The following NOP9 variants were observed in gnomAD, a reference collection of about 807,000 sequenced individuals.
NOP9 encodes the protein nucleolar protein 9.
A neutral mutation model predicts 63.0 loss-of-function variants in NOP9; 50 were observed. The ratio of observed to expected loss-of-function variants is 0.79; its 90% confidence interval spans 0.63 to 1.00. The LOEUF is 1.00. Among genes scored for constraint, NOP9 ranks in the 50% least tolerant of loss-of-function variants. The probability of loss-of-function intolerance (pLI) is 0.00; values close to 1 mark genes in which losing one functional copy is unlikely to be tolerated. For synonymous variants in NOP9, 343 were observed against 332.8 expected, an observed-to-expected ratio of 1.03 and a Z score of -0.33; for missense variants, 758 against 803.0, an observed-to-expected ratio of 0.94 and a Z score of 0.68.
intron 1 of NOP9, 50 bp from the exon 2 acceptor site, chr14:24,300,358 C>A: frequency 6.3e-7 from 1 of 1,575,624 alleles, no homozygotes; most frequent in Non-Finnish European, 8.7e-7. Context: ...GGGTACATAA[C>A]TGTATTCTCT....
At chr14:24,301,856 A>G (rs2041382901) in intron 3 of NOP9, 109 bp from the exon 4 acceptor site, 2 of 1,450,756 alleles carry the variant, frequency 1.4e-6, no homozygotes, top group Non-Finnish European at 9.6e-7. Context: ...AGCACTTTGT[A>G]TAGTCCCTTT....
rs923572586 is a variant in NOP9 at position 24,307,226 on chromosome 14, A to G, written c.*2131A>G. 11 of 853,130 alleles carry G rather than the reference A, an allele frequency of 1.3e-5. No homozygotes were observed. The South Asian group carries it at 1.6e-4, about 12-fold the overall frequency. 52.8% of individuals were successfully genotyped at this position (853,130 alleles called of 1,614,324 possible). A position where few individuals can be genotyped will look rare whatever the true frequency, so the allele number is the denominator to read the frequency against. ...AAAATGAACAAATTGACCAGAGCTC[A>G]TTAGGCCCACTCCGCTGCTTTTAGC... On this transcript the variant is annotated 3_prime_UTR_variant, in exon 10 of 10. Coordinates refer to ENST00000267425, the MANE Select transcript of NOP9 (RefSeq NM_174913.3).
At chr14:24,293,938 A>G in the NOP9 span, 1 of 152,256 alleles carries the variant, frequency 6.6e-6, no homozygotes, top group Admixed American at 6.5e-5. Context: ...ATAATTAGAT[A>G]CAAGTGTATG....
chr14:24,292,079 C>A, the NOP9 span: 2 of 1,421,028 alleles, frequency 1.4e-6, no homozygotes, highest in Non-Finnish European at 2.0e-6. Context: ...CAGCCCTGCA[C>A]CTGCCACAGT....
chr14:24,274,566 C>T, the NOP9 span, among the ~76,000 whole-genome samples: 1 of 151,494 alleles, frequency 6.6e-6, no homozygotes, highest in Non-Finnish European at 1.5e-5. Flanking sequence ...ATTTGGCCTC[C>T]TATGTGGGAT....
At chr14:24,293,866 G>A in the NOP9 span, 9 of 152,094 alleles carry the variant, frequency 5.9e-5, no homozygotes, top group African/African-American at 2.2e-4. Flanking sequence ...AGACATAATA[G>A]TTAAAAGAAT....
chr14:24,272,760 A>G, the NOP9 span, among the ~76,000 whole-genome samples: 4 of 152,196 alleles, frequency 2.6e-5, no homozygotes, highest in African/African-American at 9.6e-5. Context: ...AAAACTCTTC[A>G]TGACAGCCTA....
Position 24,306,907 on chromosome 14 carries a change from T to C in NOP9, c.*1812T>C. 3.4e-6 allele frequency: 1 copy of C among 292,286 alleles called. No individual in the cohort carries two copies. Among genetic ancestry groups the C allele is most frequent in the Non-Finnish European group, 6.6e-6 (1 of 152,092 alleles). 18.1% of individuals were successfully genotyped at this position (292,286 alleles called of 1,614,324 possible). On this transcript the variant is annotated 3_prime_UTR_variant, in exon 10 of 10. Transcript: ENST00000267425. ...GTGTTTTCAGTAATAGTGTTTAACC[T>C]TTTTGAGTCCTTACTCTGTGCCAGG...
the NOP9 span, among the ~76,000 whole-genome samples, chr14:24,284,289 A>G: frequency 6.6e-6 from 1 of 152,194 alleles, no homozygotes; most frequent in Non-Finnish European, 1.5e-5. Context: ...CATGATGCCA[A>G]CTGGAAGCAC....
In NOP9 at chr14:24,308,163, A is replaced by T. The variant is rs1461018601; in HGVS notation, c.*3068A>T. 4 of 427,330 alleles carry T rather than the reference A, an allele frequency of 9.4e-6. No individual in the cohort carries two copies. Among genetic ancestry groups the T allele is most frequent in the Non-Finnish European group, 1.7e-5 (4 of 233,730 alleles). The allele number at this position is 427,330 out of a possible 1,614,324, so 26.5% of individuals were successfully genotyped here. A position where few individuals can be genotyped will look rare whatever the true frequency, so the allele number is the denominator to read the frequency against. ...GGGTAGATGGGAACCATGTAAAAGG[A>T]TGAAATGTGACTTCTGGTGTTTTTT... is the stretch of plus-strand genomic sequence containing the variant. On this transcript the variant is annotated 3_prime_UTR_variant, in exon 10 of 10. Coordinates refer to ENST00000267425, the MANE Select transcript of NOP9 (RefSeq NM_174913.3).
chr14:24,308,100 G>A lies in NOP9; in HGVS notation c.*3005G>A. The A allele has an allele frequency of 1.8e-6, 1 of 569,386 alleles. No homozygotes were observed. Among genetic ancestry groups the A allele is most frequent in the Non-Finnish European group, 3.2e-6 (1 of 316,014 alleles). The allele number at this position is 569,386 out of a possible 1,614,324, so 35.3% of individuals were successfully genotyped here. On this transcript the variant is annotated 3_prime_UTR_variant, in exon 10 of 10. Coordinates refer to ENST00000267425, the MANE Select transcript of NOP9 (RefSeq NM_174913.3). ...GAATTGCCTGGCAAAAGCCATTGGA[G>A]CTTGTATGTGTGTCTTTGGTGATGA...
the NOP9 span, among the ~76,000 whole-genome samples, chr14:24,287,515 C>G: frequency 6.6e-6 from 1 of 152,176 alleles, no homozygotes; most frequent in African/African-American, 2.4e-5. Flanking sequence ...CACTCAGGGT[C>G]TAAGGTGGAT....
upstream of NOP9, among the ~76,000 whole-genome samples, chr14:24,295,191 T>G (rs2041229001): frequency 6.6e-6 from 1 of 152,186 alleles, no homozygotes; most frequent in Non-Finnish European, 1.5e-5. Context: ...GAATGAGAGA[T>G]ATTTACATGA....
the NOP9 span, among the ~76,000 whole-genome samples, chr14:24,285,850 G>T: frequency 6.6e-6 from 1 of 152,068 alleles, no homozygotes; most frequent in Non-Finnish European, 1.5e-5. Context: ...TTAGCTGGGC[G>T]TGGTGGCAGG....
Position 24,303,175 on chromosome 14 carries a change from T to TGGGGCCTACCAAGCCA in NOP9, c.1246_1261dup (p.Lys421ArgfsTer38), listed in dbSNP as rs2041408166. ...CCCTGGTGGGGGCCTGTCGCAGAGT[T>TGGGGCCTACCAAGCCA]GGGGCCTACCAAGCCAAGGTCCTAC... On this transcript the variant is annotated frameshift_variant, in exon 6 of 10. Transcript: ENST00000267425. LOFTEE classifies it high-confidence loss of function. The TGGGGCCTACCAAGCCA allele has an allele frequency of 6.2e-7, 1 of 1,614,082 alleles. No homozygotes were observed. Among genetic ancestry groups the TGGGGCCTACCAAGCCA allele is most frequent in the Admixed American group, 1.7e-5 (1 of 60,014 alleles).
chr14:24,276,964 G>A, the NOP9 span, among the ~76,000 whole-genome samples: 1 of 152,182 alleles, frequency 6.6e-6, no homozygotes, highest in African/African-American at 2.4e-5. Context: ...GGTAAATGTG[G>A]GGAAGGAGGT....
At chr14:24,300,941 C>G (rs2041365896) in intron 2 of NOP9, 84 bp downstream of exon 2, 1 of 1,121,984 alleles carries the variant, frequency 8.9e-7, no homozygotes, top group African/African-American at 1.6e-5. Context: ...AAGAGTAAGT[C>G]TTCATGGGGG....
upstream of NOP9, chr14:24,299,245 A>T (rs1285499297): frequency 2.0e-6 from 2 of 1,024,474 alleles, no homozygotes; most frequent in Non-Finnish European, 2.8e-6. Context: ...CAAGGTAAGA[A>T]TCCTTTGAGG....
At chr14:24,299,013 C>A (rs1421341286), upstream of NOP9, 2 of 1,613,944 alleles carry the variant, frequency 1.2e-6, no homozygotes, top group Non-Finnish European at 1.7e-6. Context: ...TAAACTGTGG[C>A]GCCTGCTTTG....
Sources: allele counts gnomAD v4.1 joint callset (sites outside exome capture counted in the v4.1 genomes callset), GRCh38; gene constraint gnomAD v4.1.1; transcripts MANE v1.5; gene names NCBI Gene and HGNC (gene_info 2026-07-23, HGNC 2026-07-21).